Variants in ZNF274 observed in about 807,000 individuals in gnomAD.
ZNF274 encodes neurotrophin receptor-interacting factor homolog.
A neutral mutation model predicts 42.5 loss-of-function variants in ZNF274; 23 were observed. The observed-to-expected ratio is 0.54, with a 90% CI of 0.39 to 0.77. The LOEUF is 0.77. Among genes scored for constraint, ZNF274 ranks in the 30% least tolerant of loss-of-function variants. The pLI is 0.00. For synonymous variants in ZNF274, 292 were observed against 305.4 expected (o/e 0.96, Z 0.46); for missense variants, 679 against 806.5 (o/e 0.84, Z 1.91).
intron 4 of ZNF274, among the ~76,000 whole-genome samples, chr19:58,188,688 G>GTATATGTATATATATATATATATA (rs2075737197): frequency 1.9e-5 from 1 of 52,982 alleles, no homozygotes; most frequent in Non-Finnish European, 3.4e-5. Context: ...ATATATATAT[G>GTATATGTATATATATATATATATA]TATATGTATA....
In ZNF274 at chr19:58,207,873, G is replaced by A. The variant is rs1296098386; in HGVS notation, c.739+671G>A. Among the ~76,000 whole-genome samples, 2 of 152,230 alleles carry A rather than the reference G, an allele frequency of 1.3e-5. No homozygotes were observed. Among genetic ancestry groups the A allele is most frequent in the Non-Finnish European group, 2.9e-5 (2 of 68,044 alleles). ...AGTAGGGCTCGATCCCTGAGTTCCAGAAACTGGTGGCACCACTGGATTTGA... is the reference window on the plus strand; with the variant it reads ...AGTAGGGCTCGATCCCTGAGTTCCAAAAACTGGTGGCACCACTGGATTTGA... On this transcript the variant is annotated intron_variant, in intron 5 of 7. Transcript: ENST00000617501. This position sits in a 1 kb window ranked among gnomAD's most constrained non-coding sequence, Gnocchi z 5.6.
chr19:58,187,510 G>A (rs555738399), intron 4 of ZNF274, among the ~76,000 whole-genome samples: 9 of 150,974 alleles, frequency 6.0e-5, no homozygotes, highest in Admixed American at 2.6e-4. Flanking sequence ...CACCCTCCGC[G>A]TCCTGGACTC....
At chr19:58,190,122 C>CA (rs531395871) in intron 4 of ZNF274, among the ~76,000 whole-genome samples, 1,545 of 115,526 alleles carry the variant, frequency 0.013, 16 homozygotes, top group African/African-American at 0.032. Context: ...GACTCTATCT[C>CA]AAAAAAAAAA....
intron 4 of ZNF274, among the ~76,000 whole-genome samples, chr19:58,188,632 T>A (rs1273067972): frequency 2.2e-4 from 29 of 133,788 alleles, no homozygotes; most frequent in South Asian, 4.6e-4. Context: ...TATATATATA[T>A]ATATATATAT....
intron 4 of ZNF274, among the ~76,000 whole-genome samples, chr19:58,192,350 T>C (rs1393677370): frequency 6.6e-6 from 1 of 152,020 alleles, no homozygotes; most frequent in Non-Finnish European, 1.5e-5. Context: ...CCTGCTAACA[T>C]GTGGTAATAA....
chr19:58,193,635 T>C (rs993047742), intron 4 of ZNF274, among the ~76,000 whole-genome samples: 3 of 151,822 alleles, frequency 2.0e-5, no homozygotes, highest in African/African-American at 4.8e-5. Context: ...TTTAAAAATA[T>C]GATAAAGGGA....
At chr19:58,202,994 GAGT>G (rs2075932228) in intron 4 of ZNF274, among the ~76,000 whole-genome samples, 1 of 152,144 alleles carries the variant, frequency 6.6e-6, no homozygotes, top group African/African-American at 2.4e-5. Context: ...GGGTGGGGTG[GAGT>G]AGAAGAATCC....
intron 4 of ZNF274, among the ~76,000 whole-genome samples, chr19:58,203,166 C>CA (rs1230728452): frequency 6.8e-6 from 1 of 147,326 alleles, no homozygotes; most frequent in African/African-American, 2.6e-5. Context: ...TGCCACTTAG[C>CA]CCCCCCCCAG....
At chr19:58,209,920 C>T in intron 5 of ZNF274, 41 bp from the exon 6 acceptor site, 1 of 1,512,888 alleles carries the variant, frequency 6.6e-7, no homozygotes, top group South Asian at 1.2e-5. Flanking sequence ...CCTAAGGGTC[C>T]CCACACCTGC....
intron 4 of ZNF274, among the ~76,000 whole-genome samples, chr19:58,189,490 A>G (rs953913698): frequency 1.3e-5 from 2 of 152,130 alleles, no homozygotes; most frequent in African/African-American, 2.4e-5. Flanking sequence ...TGGAAATATC[A>G]TATTTGTCAT....
chr19:58,188,712 A>ATATATATG (rs2146197626), intron 4 of ZNF274, among the ~76,000 whole-genome samples: 2 of 124,076 alleles, frequency 1.6e-5, no homozygotes, highest in Admixed American at 8.3e-5. Context: ...ATATATATAT[A>ATATATATG]TATATATATA....
intron 4 of ZNF274, among the ~76,000 whole-genome samples, chr19:58,194,239 A>C (rs1040230253): frequency 7.2e-5 from 11 of 152,066 alleles, no homozygotes; most frequent in South Asian, 2.1e-4. Flanking sequence ...GTGTATGATA[A>C]GGGAGAACAA....
rs760193025 is a variant in ZNF274, at chr19:58,213,023, C to T, written c.1842C>T (p.Thr614=). The T allele has an allele frequency of 2.0e-5, 33 of 1,613,860 alleles. No individual in the cohort carries two copies. Among genetic ancestry groups the T allele is most frequent in the Non-Finnish European group, 2.7e-5 (32 of 1,179,904 alleles). ...TCATCAGACATCAGAGGACTCACAC[C>T]GGGGAGCGCCCATATGCATGCAACA... ...SHLIRHQRTH[T]GERPYACNKC... is the part of the protein sequence containing the mutation. Residue 614 remains threonine (T), a synonymous_variant, in exon 8 of 8, where the codon ACC becomes ACT. Transcript: ENST00000617501.
In ZNF274 at chr19:58,212,393, G is replaced by A. The variant is rs1032262952; in HGVS notation, c.1212G>A (p.Glu404=). The A allele has an allele frequency of 1.2e-6, 2 of 1,613,114 alleles. No individual in the cohort carries two copies. Among genetic ancestry groups the A allele is most frequent in the Non-Finnish European group, 1.7e-6 (2 of 1,179,470 alleles). The change falls in exon 8 of 8, where the codon GAG becomes GAA. Residue 404 remains glutamate (E), a synonymous_variant. Coordinates refer to ENST00000617501, the MANE Select transcript of ZNF274 (RefSeq NM_133502.3). The surrounding 1 kb of genome is among the most constrained non-coding windows in gnomAD (Gnocchi z 4.6). ...LPQKKHFDNR[E]SQANSGALDT... ...AGAAGAAGCACTTTGACAACCGTGA[G>A]TCCCAGGCAAACAGTGGTGCTCTTG...
chr19:58,206,605 G>A (rs2075980624), intron 4 of ZNF274, 115 bp from the exon 5 acceptor site: 1 of 1,214,404 alleles, frequency 8.2e-7, no homozygotes, highest in African/African-American at 1.5e-5. Context: ...CCATGCTAGT[G>A]GGTTTGAAGC....
chr19:58,188,338 A>G (rs1048923886), intron 4 of ZNF274, among the ~76,000 whole-genome samples: 1 of 151,792 alleles, frequency 6.6e-6, no homozygotes, highest in Non-Finnish European at 1.5e-5. Context: ...AAAATAAAAT[A>G]GGACAGGCAC....
intron 4 of ZNF274, among the ~76,000 whole-genome samples, chr19:58,195,555 T>A (rs2075831994): frequency 6.6e-6 from 1 of 152,142 alleles, no homozygotes; most frequent in African/African-American, 2.4e-5. Flanking sequence ...GTGCATCTCA[T>A]TAATGGACAG....
chr19:58,189,341 C>T (rs2075751187), intron 4 of ZNF274, among the ~76,000 whole-genome samples: 1 of 151,924 alleles, frequency 6.6e-6, no homozygotes, highest in Admixed American at 6.6e-5. Flanking sequence ...TGTTATATAC[C>T]TCGAACTGCT....
chr19:58,185,622 T>G (rs545666219), intron 2 of ZNF274, 90 bp from the exon 3 acceptor site: 1 of 1,336,170 alleles, frequency 7.5e-7, no homozygotes, highest in Admixed American at 3.0e-5. Context: ...TAGACCATTC[T>G]GTGCTTTCAC....
Sources: gnomAD v4.1 joint callset for allele counts (sites outside exome capture counted in the v4.1 genomes callset) on GRCh38, gnomAD v4.1.1 for gene constraint, Gnocchi (gnomAD v3.1) non-coding constraint, MANE v1.5 for transcripts, NCBI Gene and HGNC (gene_info 2026-07-23, HGNC 2026-07-21) for gene names.